COBL: variants seen among roughly 807,000 people sequenced by gnomAD.
COBL encodes the protein protein cordon-bleu.
In COBL, 51 loss-of-function variants were observed where a neutral mutation model predicts 98.8. The observed-to-expected ratio is 0.52, with a 90% confidence interval of 0.41 to 0.65. The LOEUF is 0.65. Ranked by LOEUF, COBL falls within the 30% of genes least tolerant of loss-of-function variation. The pLI is 0.00. For synonymous variants in COBL, 634 were observed against 651.7 expected (o/e 0.97, Z 0.41); for missense variants, 1,617 against 1,617.5 (o/e 1.00, Z 0.01).
intron 6 of COBL, among the ~76,000 whole-genome samples, chr7:51,088,301 A>AT (rs1439526485): frequency 6.7e-6 from 1 of 150,174 alleles, no homozygotes; most frequent in African/African-American, 2.5e-5. Context: ...TCAATTGTCT[A>AT]TTTTTTTCTT....
At chr7:51,089,421 G>A (rs558203489) in intron 6 of COBL, among the ~76,000 whole-genome samples, 9 of 152,120 alleles carry the variant, frequency 5.9e-5, no homozygotes, top group Admixed American at 2.6e-4. Flanking sequence ...AAGCTGAGGC[G>A]GGAGGATAAT....
At chr7:51,204,492 C>A (rs549712126) in intron 2 of COBL, among the ~76,000 whole-genome samples, 23 of 151,432 alleles carry the variant, frequency 1.5e-4, no homozygotes, top group African/African-American at 5.3e-4. Flanking sequence ...AAGAAAAAAC[C>A]GTTAAAAGTA....
At chr7:51,266,758 G>GT (rs1380444928) in intron 1 of COBL, among the ~76,000 whole-genome samples, 1 of 152,048 alleles carries the variant, frequency 6.6e-6, no homozygotes, top group Non-Finnish European at 1.5e-5. Flanking sequence ...CCCACACACA[G>GT]TTTTTTTCCA....
rs77424466 is a variant in COBL at position 51,182,051 on chromosome 7, C to T, written c.783+2051G>A. ...TAGATTTTTTACTTGGTTTTTCTGG[C>T]CATTTCATCTTTTACAAGGAAGAAG... is the stretch of plus-strand genomic sequence containing the variant. On this transcript the variant is annotated intron_variant, in intron 5 of 12. Transcript: ENST00000265136. Among the ~76,000 whole-genome samples, 1,439 of 152,120 alleles carry T rather than the reference C, an allele frequency of 9.5e-3. 26 individuals are homozygous for T. Among genetic ancestry groups the T allele is most frequent in the African/African-American group, 0.032 (1,340 of 41,488 alleles).
intron 5 of COBL, among the ~76,000 whole-genome samples, chr7:51,145,609 C>T (rs796762512): frequency 3.0e-4 from 45 of 152,108 alleles, no homozygotes; most frequent in African/African-American, 1.0e-3. Flanking sequence ...AAACTCCTGA[C>T]CTCAGGTGAT....
chr7:51,120,832 A>C (rs1349062998), intron 6 of COBL, among the ~76,000 whole-genome samples: 1 of 152,126 alleles, frequency 6.6e-6, no homozygotes, highest in African/African-American at 2.4e-5. Context: ...CTTCCTTTTA[A>C]ATGTTTAAGT....
intron 12 of COBL, among the ~76,000 whole-genome samples, chr7:51,019,477 G>C (rs751630293): frequency 1.3e-5 from 2 of 152,172 alleles, no homozygotes; most frequent in Non-Finnish European, 2.9e-5. Flanking sequence ...CTAGACTGAG[G>C]GAGGCTTTCT....
At chr7:51,143,952 A>G (rs139377049) in intron 5 of COBL, among the ~76,000 whole-genome samples, 32 of 152,300 alleles carry the variant, frequency 2.1e-4, no homozygotes, top group African/African-American at 7.5e-4. Context: ...ATCACTACCT[A>G]TATGTAGCAT....
chr7:51,159,901 G>A (rs887683150), intron 5 of COBL, among the ~76,000 whole-genome samples: 1 of 152,024 alleles, frequency 6.6e-6, no homozygotes, highest in African/African-American at 2.4e-5. Context: ...CTATTTTTTT[G>A]TTGTTGTTTT....
chr7:51,131,945 T>G (rs1315474291), intron 6 of COBL, among the ~76,000 whole-genome samples: 1 of 152,186 alleles, frequency 6.6e-6, no homozygotes, highest in Non-Finnish European at 1.5e-5. Flanking sequence ...GCAACTCTCT[T>G]CTCTAGAATC....
intron 5 of COBL, among the ~76,000 whole-genome samples, chr7:51,138,868 C>A (rs1398642356): frequency 6.6e-6 from 1 of 152,188 alleles, no homozygotes; most frequent in Non-Finnish European, 1.5e-5. Flanking sequence ...TGCTTGTCTT[C>A]ATTCCACCCT....
rs1417732305 is a variant in COBL at position 51,017,648 on chromosome 7, T to C, written c.3769-80A>G. On this transcript the variant is annotated intron_variant, in intron 12 of 12. Coordinates refer to ENST00000265136, the MANE Select transcript of COBL (RefSeq NM_015198.5). Reference sequence around the variant, plus strand: ...GATCTTCTGGTGCTAGAGAGCTCTGTGCACAGCCACTCTTGCAATAGTACT... The same window carrying C: ...GATCTTCTGGTGCTAGAGAGCTCTGCGCACAGCCACTCTTGCAATAGTACT... 1.2e-5 allele frequency: 17 copies of C among 1,423,114 alleles called. 1 individual carries two copies. Among genetic ancestry groups the C allele is most frequent in the Middle Eastern group, 1.8e-4 (1 of 5,546 alleles). 88.2% of individuals were successfully genotyped at this position (1,423,114 alleles called of 1,614,324 possible).
intron 7 of COBL, among the ~76,000 whole-genome samples, chr7:51,048,114 C>T (rs1332092294): frequency 1.3e-5 from 2 of 151,678 alleles, no homozygotes; most frequent in East Asian, 1.9e-4. Flanking sequence ...TGCAGTGAGC[C>T]GAGATCACAC....
intron 6 of COBL, among the ~76,000 whole-genome samples, chr7:51,134,966 T>TA (rs1248442911): frequency 1.3e-5 from 2 of 151,972 alleles, no homozygotes; most frequent in East Asian, 3.9e-4. Flanking sequence ...CTTTTTTTTT[T>TA]ATTTTTTATT....
At chr7:51,075,790 A>G (rs1467880751) in intron 7 of COBL, among the ~76,000 whole-genome samples, 1 of 152,236 alleles carries the variant, frequency 6.6e-6, no homozygotes, top group African/African-American at 2.4e-5. Flanking sequence ...AAAGCTATAT[A>G]TAGATCTATT....
rs1213803339 is a variant in COBL at position 51,018,904 on chromosome 7, AAATATATATAT to A, written c.3769-1347_3769-1337del. Among the ~76,000 whole-genome samples the A allele has an allele frequency of 6.4e-4, 35 of 54,674 alleles. 4 individuals are homozygous for A. Among genetic ancestry groups the A allele is most frequent in the South Asian group, 2.5e-3 (3 of 1,204 alleles). The allele number at this position is 54,674 out of a possible 152,430, so 35.9% of individuals were successfully genotyped here. On this transcript the variant is annotated intron_variant, in intron 12 of 12. Transcript: ENST00000265136. Reference sequence around the variant, plus strand: ...GAAACTCCATCTCAAAAAAAAAAAAAAATATATATATATATATATATATATATATATATATA... The same window carrying A: ...GAAACTCCATCTCAAAAAAAAAAAAAATATATATATATATATATATATATA...
chr7:51,200,183 G>A (rs140604966), intron 2 of COBL, among the ~76,000 whole-genome samples: 6 of 152,290 alleles, frequency 3.9e-5, no homozygotes, highest in African/African-American at 1.4e-4. Context: ...GTAGTTTAAG[G>A]ATGAAGGAGA....
At chr7:51,305,896 C>T (rs1406375838) in intron 1 of COBL, among the ~76,000 whole-genome samples, 2 of 152,126 alleles carry the variant, frequency 1.3e-5, no homozygotes, top group African/African-American at 4.8e-5. Context: ...ATTGGCCAGC[C>T]GTGGTGACAC....
chr7:51,184,252 A>G, intron 4 of COBL, 53 bp from the exon 5 acceptor site: 2 of 1,004,632 alleles, frequency 2.0e-6, no homozygotes, highest in Non-Finnish European at 2.9e-6. Context: ...AAGAGATTCA[A>G]TACTTTACTT....
Sources: allele counts gnomAD v4.1 joint callset (sites outside exome capture counted in the v4.1 genomes callset), GRCh38; gene constraint gnomAD v4.1.1; transcripts MANE v1.5; gene names NCBI Gene and HGNC (gene_info 2026-07-23, HGNC 2026-07-21).